Variants in GABBR2 observed in about 807,000 individuals in gnomAD.
GABBR2 encodes the protein gamma-aminobutyric acid type B receptor subunit 2.
GABBR2 carries 23 observed loss-of-function variants against 105.6 expected under a neutral mutation model. That is an observed-to-expected ratio of 0.22 (90% CI 0.16 to 0.31). GABBR2 has a LOEUF of 0.31. GABBR2 is among the 10% of genes least tolerant of loss of function. GABBR2 has a pLI of 1.00. For synonymous variants in GABBR2, 478 were observed against 499.7 expected, an observed-to-expected ratio of 0.96 and a Z score of 0.58; for missense variants, 734 against 1,245.5, an observed-to-expected ratio of 0.59 and a Z score of 6.18.
At chr9:98,543,131 G>A (rs1238860886) in intron 2 of GABBR2, among the ~76,000 whole-genome samples, 1 of 151,868 alleles carries the variant, frequency 6.6e-6, no homozygotes, top group African/African-American at 2.4e-5. Flanking sequence ...TTGTTAAGTT[G>A]GATTTTAATT....
chr9:98,700,067 A>G (rs1323866710), intron 1 of GABBR2, among the ~76,000 whole-genome samples: 3 of 152,134 alleles, frequency 2.0e-5, no homozygotes, highest in Non-Finnish European at 4.4e-5. Context: ...CTTCCCCCAC[A>G]TCCTCTGCTA....
chr9:98,404,106 T>C (rs1010206011), intron 8 of GABBR2, among the ~76,000 whole-genome samples: 3 of 152,022 alleles, frequency 2.0e-5, no homozygotes, highest in Non-Finnish European at 4.4e-5. Flanking sequence ...CTGGTAGCTG[T>C]GATCAGCCAA....
chr9:98,359,352 C>T (rs1409425246), intron 13 of GABBR2, among the ~76,000 whole-genome samples: 2 of 152,110 alleles, frequency 1.3e-5, no homozygotes, highest in African/African-American at 4.8e-5. Context: ...CACTTGAACC[C>T]AGGAGATGGA....
At chr9:98,455,876 C>A (rs760211489) in intron 6 of GABBR2, among the ~76,000 whole-genome samples, 1 of 152,180 alleles carries the variant, frequency 6.6e-6, no homozygotes, top group Admixed American at 6.5e-5. Context: ...GTGAATGAAT[C>A]CTGGCCGGGA....
chr9:98,343,105 G>T (rs1831243334), intron 13 of GABBR2, among the ~76,000 whole-genome samples: 1 of 152,188 alleles, frequency 6.6e-6, no homozygotes, highest in Admixed American at 6.5e-5. Context: ...CAAATCCCCT[G>T]TGTGCTTCCA....
intron 8 of GABBR2, among the ~76,000 whole-genome samples, chr9:98,398,294 A>T (rs2131514482): frequency 6.6e-6 from 1 of 152,108 alleles, no homozygotes; most frequent in Non-Finnish European, 1.5e-5. Context: ...CAAAAATAAA[A>T]GATTCTATAA....
intron 13 of GABBR2, among the ~76,000 whole-genome samples, chr9:98,318,522 G>C (rs1024548963): frequency 1.3e-5 from 2 of 152,204 alleles, no homozygotes; most frequent in Admixed American, 6.5e-5. Context: ...GCGGTTAGGG[G>C]TGGGCGAGGC....
chr9:98,453,222 C>T (rs551181438), intron 7 of GABBR2, among the ~76,000 whole-genome samples: 2 of 152,326 alleles, frequency 1.3e-5, no homozygotes, highest in African/African-American at 2.4e-5. Context: ...GACAGGGTTT[C>T]ACCATGTTGG....
At chr9:98,358,398 C>T (rs1002859737) in intron 13 of GABBR2, among the ~76,000 whole-genome samples, 9 of 152,220 alleles carry the variant, frequency 5.9e-5, no homozygotes, top group East Asian at 3.8e-4. Context: ...CTAAATGCAG[C>T]GGCCTCTGCC....
chr9:98,521,921 TA>T (rs1191799428), intron 3 of GABBR2, among the ~76,000 whole-genome samples: 18 of 152,180 alleles, frequency 1.2e-4, no homozygotes, highest in Non-Finnish European at 2.2e-4. Flanking sequence ...ATATCATCTC[TA>T]AAAAGAATTG....
intron 1 of GABBR2, among the ~76,000 whole-genome samples, chr9:98,678,720 C>A (rs1022534137): frequency 2.0e-5 from 3 of 152,164 alleles, no homozygotes; most frequent in Non-Finnish European, 1.5e-5. Flanking sequence ...CTTTCTCTTT[C>A]ACATCCTCCT....
chr9:98,388,411 C>G lies in GABBR2; in HGVS notation c.1529+443G>C, dbSNP rs778749005. On this transcript the variant is annotated intron_variant, in intron 10 of 18. Transcript: ENST00000259455. The surrounding 1 kb of genome is among the most constrained non-coding windows in gnomAD (Gnocchi z 4.4). ...GTCCATTTCACTGGACTTTGTGACC[C>G]CCTTCAGTGGTGATTCCCAGCGATG... 6.6e-6 allele frequency among the ~76,000 whole-genome samples: 1 copy of G among 152,068 alleles called. No individual in the cohort carries two copies. The highest frequency in any genetic ancestry group is 6.5e-5 in the Admixed American group (1 of 15,274).
At chr9:98,510,684 A>C (rs1827620881) in intron 3 of GABBR2, among the ~76,000 whole-genome samples, 1 of 152,150 alleles carries the variant, frequency 6.6e-6, no homozygotes, top group Non-Finnish European at 1.5e-5. Context: ...AGGCCATTAC[A>C]TAATGGTAAA....
At position 98,388,804 on chromosome 9, in the gene GABBR2, G is replaced by T. The variant is rs371944773; in HGVS notation, c.1529+50C>A. 77 of 1,499,962 alleles carry T rather than the reference G, an allele frequency of 5.1e-5. No individual in the cohort carries two copies. The African/African-American group carries it at 9.9e-4, about 19-fold the overall frequency. The allele number at this position is 1,499,962 out of a possible 1,614,324, so 92.9% of individuals were successfully genotyped here. A position where few individuals can be genotyped will look rare whatever the true frequency, so the allele number is the denominator to read the frequency against. ...TGGCACTCCTATACTGTGTCCATAG[G>T]CTTGTCAATTTAGAAAGTGATATCA... is the stretch of plus-strand genomic sequence containing the variant. On this transcript the variant is annotated intron_variant, in intron 10 of 18. Coordinates refer to ENST00000259455, the MANE Select transcript of GABBR2 (RefSeq NM_005458.8). The surrounding 1 kb of genome is among the most constrained non-coding windows in gnomAD (Gnocchi z 4.4).
At position 98,290,388 on chromosome 9, in the gene GABBR2, C is replaced by T. The variant is rs1830283610; in HGVS notation, c.*196G>A. On this transcript the variant is annotated 3_prime_UTR_variant, in exon 19 of 19. Transcript: ENST00000259455. ...TCTTTGTGAAGAAATAAGGACTTCA[C>T]AAATAAGGCTCGAGGTCAGGTGCCA... The T allele has an allele frequency of 1.1e-5, 3 of 280,746 alleles. No individual in the cohort carries two copies. The highest frequency in any genetic ancestry group is 1.3e-5 in the Non-Finnish European group (2 of 151,480). The allele number at this position is 280,746 out of a possible 1,614,324, so 17.4% of individuals were successfully genotyped here.
At position 98,383,613 on chromosome 9, in the gene GABBR2, C is replaced by T. The variant is rs951407826; in HGVS notation, c.1662+2027G>A. Among the ~76,000 whole-genome samples the T allele has an allele frequency of 2.6e-5, 4 of 152,178 alleles. No homozygotes were observed. The South Asian group carries it at 8.3e-4, about 32-fold the overall frequency. On this transcript the variant is annotated intron_variant, in intron 11 of 18. Coordinates refer to ENST00000259455, the MANE Select transcript of GABBR2 (RefSeq NM_005458.8). Reference sequence around the variant, plus strand: ...ACCCCCTCAGTTACTGGGGACTCGACCACACACTTCTCAAGGCACTGCCCA... The same window carrying T: ...ACCCCCTCAGTTACTGGGGACTCGATCACACACTTCTCAAGGCACTGCCCA...
chr9:98,368,301 TAA>T (rs138373969), intron 12 of GABBR2, among the ~76,000 whole-genome samples: 15 of 99,826 alleles, frequency 1.5e-4, no homozygotes, highest in Non-Finnish European at 2.1e-4. Context: ...TTTTAAAAAG[TAA>T]AAAAAAAAAA....
intron 1 of GABBR2, among the ~76,000 whole-genome samples, chr9:98,594,046 A>C (rs75006393): frequency 0.011 from 1,644 of 152,258 alleles, 27 homozygotes; most frequent in African/African-American, 0.038. Context: ...CTGTTTTCAG[A>C]GGCCCATCCC....
chr9:98,673,287 C>T (rs1324512960), intron 1 of GABBR2, among the ~76,000 whole-genome samples: 5 of 152,090 alleles, frequency 3.3e-5, no homozygotes, highest in African/African-American at 1.2e-4. Context: ...CCAGCTGGCA[C>T]CAAGAAAATA....
Sources: gnomAD v4.1 joint callset for allele counts (sites outside exome capture counted in the v4.1 genomes callset) on GRCh38, gnomAD v4.1.1 for gene constraint, Gnocchi (gnomAD v3.1) non-coding constraint, MANE v1.5 for transcripts, NCBI Gene and HGNC (gene_info 2026-07-23, HGNC 2026-07-21) for gene names.